SLC35F3: variants seen among roughly 807,000 people sequenced by gnomAD.
SLC35F3 encodes solute carrier family 35 member F3.
Under a neutral mutation model 49.9 loss-of-function variants are expected in SLC35F3, and 25 were observed. The observed-to-expected ratio is 0.50, with a 90% confidence interval of 0.37 to 0.70. The LOEUF is 0.70. Among genes scored for constraint, SLC35F3 ranks in the 30% least tolerant of loss-of-function variants. SLC35F3 has a pLI of 0.00. For synonymous variants in SLC35F3, 275 were observed against 265.4 expected (o/e 1.04, Z -0.35); for missense variants, 525 against 639.8 (o/e 0.82, Z 1.94).
chr1:234,279,513 G>C (rs1388284204), intron 3 of SLC35F3, among the ~76,000 whole-genome samples: 3 of 152,210 alleles, frequency 2.0e-5, no homozygotes, highest in Non-Finnish European at 2.9e-5. Flanking sequence ...AGGGCCCAGA[G>C]AGTGAGGGAC....
At chr1:234,322,920 G>A (rs1280039425) in intron 7 of SLC35F3, 88 bp from the exon 8 acceptor site, 1 of 1,074,714 alleles carries the variant, frequency 9.3e-7, no homozygotes, top group Non-Finnish European at 1.4e-6. Flanking sequence ...CTGCCAGACA[G>A]AGGAGGGTGC....
intron 2 of SLC35F3, among the ~76,000 whole-genome samples, chr1:233,939,410 G>A (rs1662386603): frequency 6.6e-6 from 1 of 152,128 alleles, no homozygotes; most frequent in South Asian, 2.1e-4. Flanking sequence ...AGCTGCAATG[G>A]TGCCACTCCA....
chr1:234,179,181 A>C (rs1214731606), intron 2 of SLC35F3, among the ~76,000 whole-genome samples: 3 of 152,178 alleles, frequency 2.0e-5, no homozygotes, highest in Non-Finnish European at 4.4e-5. Flanking sequence ...CCTGAGTAGA[A>C]TAGAACTCCT....
At chr1:233,988,275 G>T (rs1221299236) in intron 2 of SLC35F3, among the ~76,000 whole-genome samples, 1 of 152,168 alleles carries the variant, frequency 6.6e-6, no homozygotes, top group Non-Finnish European at 1.5e-5. Context: ...CCAGGCTCTT[G>T]CTTAAAAGGT....
intron 7 of SLC35F3, among the ~76,000 whole-genome samples, chr1:234,321,407 A>C (rs1657617155): frequency 6.6e-6 from 1 of 152,236 alleles, no homozygotes; most frequent in African/African-American, 2.4e-5. Flanking sequence ...ACCAGATGAA[A>C]TAACCGATGA....
intron 2 of SLC35F3, among the ~76,000 whole-genome samples, chr1:233,910,892 T>A (rs866602378): frequency 6.6e-6 from 1 of 152,244 alleles, no homozygotes; most frequent in Admixed American, 6.5e-5. Context: ...GGAGAGAGGG[T>A]CAGTCTTAAA....
At chr1:234,268,338 G>A (rs1017684273) in intron 3 of SLC35F3, among the ~76,000 whole-genome samples, 5 of 83,390 alleles carry the variant, frequency 6.0e-5, no homozygotes, top group Admixed American at 1.4e-4. Flanking sequence ...GCCTGCAATC[G>A]CACGCACTCG....
intron 3 of SLC35F3, among the ~76,000 whole-genome samples, chr1:234,237,435 A>G (rs1667491555): frequency 6.6e-6 from 1 of 152,218 alleles, no homozygotes; most frequent in Non-Finnish European, 1.5e-5. Context: ...AACATGGGAA[A>G]TATCTTCTTT....
chr1:234,066,643 GC>G (rs1454368566), intron 2 of SLC35F3, among the ~76,000 whole-genome samples: 8 of 152,004 alleles, frequency 5.3e-5, no homozygotes, highest in Non-Finnish European at 8.8e-5. Context: ...AAAAAGGGTT[GC>G]CCCTGCCCTA....
chr1:233,970,787 A>G (rs1322308030), intron 2 of SLC35F3, among the ~76,000 whole-genome samples: 2 of 152,204 alleles, frequency 1.3e-5, no homozygotes, highest in African/African-American at 4.8e-5. Context: ...AGAAGAGACC[A>G]ATGCTGCAGA....
chr1:233,997,352 A>G (rs1052219555), intron 2 of SLC35F3, among the ~76,000 whole-genome samples: 4 of 152,088 alleles, frequency 2.6e-5, no homozygotes, highest in Admixed American at 1.3e-4. Context: ...TAGCTGTACC[A>G]ATTTACACTC....
intron 2 of SLC35F3, among the ~76,000 whole-genome samples, chr1:234,229,447 T>C (rs1030303605): frequency 3.3e-5 from 5 of 152,214 alleles, no homozygotes; most frequent in African/African-American, 1.2e-4. Flanking sequence ...AATACCAAAT[T>C]ACATGATTTG....
chr1:234,169,253 C>T (rs575672629), intron 2 of SLC35F3, among the ~76,000 whole-genome samples: 2 of 152,338 alleles, frequency 1.3e-5, no homozygotes, highest in Admixed American at 6.5e-5. Context: ...GTTTGAAATG[C>T]TCATCTTTTC....
chr1:233,987,633 T>C (rs948987077), intron 2 of SLC35F3, among the ~76,000 whole-genome samples: 2 of 152,206 alleles, frequency 1.3e-5, no homozygotes, highest in African/African-American at 2.4e-5. Flanking sequence ...TTTTGCTGGC[T>C]ATCTGGTGGA....
chr1:234,117,851 A>C (rs973351597), intron 2 of SLC35F3, among the ~76,000 whole-genome samples: 1 of 150,240 alleles, frequency 6.7e-6, no homozygotes. Flanking sequence ...GTGCCACTGC[A>C]CTCCAGCCTG....
At chr1:234,139,975 A>AAAATAAAATAAAAT (rs1365511470) in intron 2 of SLC35F3, among the ~76,000 whole-genome samples, 19 of 139,368 alleles carry the variant, frequency 1.4e-4, no homozygotes, top group South Asian at 2.3e-4. Context: ...AAAATAAAAT[A>AAAATAAAATAAAAT]AAATAAAATA....
At chr1:234,314,896 C>T (rs1455577711) in intron 4 of SLC35F3, among the ~76,000 whole-genome samples, 5 of 152,170 alleles carry the variant, frequency 3.3e-5, no homozygotes, top group South Asian at 4.1e-4. Context: ...CCCGGTTTGG[C>T]GTGTTCCTGA....
chr1:233,934,891 A>G (rs1452976616), intron 2 of SLC35F3, among the ~76,000 whole-genome samples: 2 of 151,330 alleles, frequency 1.3e-5, no homozygotes, highest in African/African-American at 2.4e-5. Context: ...AGGATGATCA[A>G]GATAGCTTAC....
chr1:234,066,675 C>T (rs370579082), intron 2 of SLC35F3, among the ~76,000 whole-genome samples: 2 of 151,928 alleles, frequency 1.3e-5, no homozygotes, highest in African/African-American at 4.8e-5. Context: ...AGAAGTTGGA[C>T]GAGGGCAAAG....
Sources: gnomAD v4.1 joint callset for allele counts (sites outside exome capture counted in the v4.1 genomes callset) on GRCh38, gnomAD v4.1.1 for gene constraint, MANE v1.5 for transcripts, NCBI Gene and HGNC (gene_info 2026-07-23, HGNC 2026-07-21) for gene names.